ABCG2: variants seen among roughly 807,000 people sequenced by gnomAD.
The protein encoded by ABCG2 is broad substrate specificity ATP-binding cassette transporter ABCG2.
A neutral mutation model predicts 73.5 loss-of-function variants in ABCG2; 80 were observed. The ratio of observed to expected loss-of-function variants is 1.09; its 90% confidence interval spans 0.91 to 1.31. ABCG2 has a LOEUF of 1.31. Among genes scored for constraint, ABCG2 ranks in the 50% most tolerant of loss-of-function variants. ABCG2 has a pLI of 0.00. For synonymous variants in ABCG2, 269 were observed against 282.4 expected (o/e 0.95, Z 0.48); for missense variants, 796 against 786.2 (o/e 1.01, Z -0.15).
intron 5 of ABCG2, among the ~76,000 whole-genome samples, chr4:88,122,519 G>A (rs1037367135): frequency 2.6e-5 from 4 of 152,124 alleles, no homozygotes; most frequent in Non-Finnish European, 5.9e-5. Flanking sequence ...GCTTGAGTAG[G>A]CCCTCACAGT....
intron 1 of ABCG2, among the ~76,000 whole-genome samples, chr4:88,205,902 C>A (rs1331820189): frequency 6.6e-6 from 1 of 152,042 alleles, no homozygotes; most frequent in Non-Finnish European, 1.5e-5. Flanking sequence ...AGGATGGTCT[C>A]GATCTCTTGA....
intron 1 of ABCG2, among the ~76,000 whole-genome samples, chr4:88,202,352 A>ATT (rs1491213805): frequency 3.0e-5 from 2 of 67,200 alleles, no homozygotes; most frequent in Non-Finnish European, 7.2e-5. Flanking sequence ...CTCTACAATT[A>ATT]TTTATATATA....
intron 1 of ABCG2, among the ~76,000 whole-genome samples, chr4:88,207,937 A>C (rs942484087): frequency 6.6e-6 from 1 of 152,160 alleles, no homozygotes; most frequent in African/African-American, 2.4e-5. Context: ...GAATTTTAGA[A>C]ATCAATATAA....
At chr4:88,179,999 A>T (rs963571384) in intron 1 of ABCG2, among the ~76,000 whole-genome samples, 2 of 152,150 alleles carry the variant, frequency 1.3e-5, no homozygotes, top group African/African-American at 2.4e-5. Flanking sequence ...AGGTAGAGAG[A>T]GGGGGGTAGA....
chr4:88,166,232 G>C (rs1325793623), intron 1 of ABCG2, among the ~76,000 whole-genome samples: 2 of 152,168 alleles, frequency 1.3e-5, no homozygotes, highest in Non-Finnish European at 2.9e-5. Context: ...CTGCCAGTAA[G>C]GAGACTTTAC....
chr4:88,157,167 A>AT (rs1441991367), intron 1 of ABCG2, among the ~76,000 whole-genome samples: 4 of 152,182 alleles, frequency 2.6e-5, no homozygotes, highest in Non-Finnish European at 4.4e-5. Context: ...CTTCTGTGAC[A>AT]TTTTTCCCCA....
intron 9 of ABCG2, among the ~76,000 whole-genome samples, chr4:88,109,799 T>C (rs1420805014): frequency 6.6e-6 from 1 of 152,136 alleles, no homozygotes; most frequent in Non-Finnish European, 1.5e-5. Context: ...CATAAAACAT[T>C]TTAACAACTC....
intron 1 of ABCG2, among the ~76,000 whole-genome samples, chr4:88,151,217 G>C (rs1013562658): frequency 6.6e-6 from 1 of 152,144 alleles, no homozygotes; most frequent in Non-Finnish European, 1.5e-5. Flanking sequence ...TTGGCACTGT[G>C]GGAAGATTAG....
At chr4:88,095,457 C>CA in intron 14 of ABCG2, 63 bp downstream of exon 14, 1 of 1,425,810 alleles carries the variant, frequency 7.0e-7, no homozygotes, top group Non-Finnish European at 9.9e-7. Context: ...GAGATGAGGA[C>CA]ACTTGATTTC....
intron 1 of ABCG2, among the ~76,000 whole-genome samples, chr4:88,144,927 A>C (rs144127473): frequency 6.6e-6 from 1 of 152,142 alleles, no homozygotes; most frequent in African/African-American, 2.4e-5. Context: ...AAATTGCGCA[A>C]CTCAAAACAA....
chr4:88,152,083 G>A (rs548644755), intron 1 of ABCG2, among the ~76,000 whole-genome samples: 103 of 152,260 alleles, frequency 6.8e-4, no homozygotes, highest in African/African-American at 2.4e-3. Context: ...ATATTAGGAT[G>A]TAGTTTAAGC....
intron 5 of ABCG2, among the ~76,000 whole-genome samples, chr4:88,126,913 G>T (rs1202207065): frequency 1.3e-5 from 2 of 152,148 alleles, no homozygotes; most frequent in Non-Finnish European, 2.9e-5. Context: ...CATAATATTG[G>T]AAGTTCTGGC....
intron 14 of ABCG2, 130 bp downstream of exon 14, chr4:88,095,390 T>G (rs902268097): frequency 1.3e-6 from 1 of 760,962 alleles, no homozygotes; most frequent in African/African-American, 1.8e-5. Context: ...TCTCATTCCT[T>G]GCTCCTAAAA....
intron 7 of ABCG2, among the ~76,000 whole-genome samples, chr4:88,117,202 T>C (rs1232671011): frequency 6.6e-6 from 1 of 151,956 alleles, no homozygotes; most frequent in Non-Finnish European, 1.5e-5. Flanking sequence ...CATGTGTCTA[T>C]AGTCCCAGCT....
chr4:88,125,934 G>C (rs556808038), intron 5 of ABCG2, among the ~76,000 whole-genome samples: 1 of 152,166 alleles, frequency 6.6e-6, no homozygotes, highest in East Asian at 1.9e-4. Context: ...ACTAATATCA[G>C]AGCAGAACTG....
intron 1 of ABCG2, among the ~76,000 whole-genome samples, chr4:88,176,621 T>C (rs1292371823): frequency 2.0e-5 from 3 of 147,838 alleles, no homozygotes; most frequent in Non-Finnish European, 4.5e-5. Flanking sequence ...GCTGGGACCA[T>C]AGGCACATGC....
At chr4:88,115,256 C>CTATATATA (rs1553933372) in intron 7 of ABCG2, among the ~76,000 whole-genome samples, 198 bp from the exon 8 acceptor site, 3 of 69,866 alleles carry the variant, frequency 4.3e-5, no homozygotes, top group African/African-American at 1.1e-4. Flanking sequence ...CTCTCTCTCT[C>CTATATATA]TATATATATA....
intron 1 of ABCG2, among the ~76,000 whole-genome samples, chr4:88,152,580 A>T (rs560558801): frequency 2.0e-5 from 3 of 152,118 alleles, no homozygotes; most frequent in African/African-American, 7.2e-5. Context: ...GAATTTCACA[A>T]GGTAATGTCA....
At chr4:88,209,216 A>C (rs1729491508) in intron 1 of ABCG2, among the ~76,000 whole-genome samples, 1 of 149,574 alleles carries the variant, frequency 6.7e-6, no homozygotes, top group African/African-American at 2.5e-5. Flanking sequence ...AGACTGAGGC[A>C]CAAGAATCAC....
Sources: allele counts gnomAD v4.1 joint callset (sites outside exome capture counted in the v4.1 genomes callset), GRCh38; gene constraint gnomAD v4.1.1; transcripts MANE v1.5; gene names NCBI Gene and HGNC (gene_info 2026-07-23, HGNC 2026-07-21).